Variants in STXBP5L observed in about 807,000 individuals in gnomAD.
STXBP5L encodes syntaxin-binding protein 5-like.
Under a neutral mutation model 144.5 loss-of-function variants are expected in STXBP5L, and 65 were observed. The observed-to-expected ratio is 0.45, with a 90% confidence interval of 0.37 to 0.55. The LOEUF (loss-of-function observed/expected upper bound fraction) is 0.55, where lower values mean the gene tolerates loss of function less well. Among genes scored for constraint, STXBP5L ranks in the 20% least tolerant of loss-of-function variants. STXBP5L has a pLI of 0.00. For synonymous variants in STXBP5L, 505 were observed against 469.6 expected (o/e 1.08, Z -0.97); for missense variants, 1,298 against 1,405.5 (o/e 0.92, Z 1.22).
chr3:120,946,730 C>T (rs1433978503), intron 2 of STXBP5L, among the ~76,000 whole-genome samples: 2 of 151,640 alleles, frequency 1.3e-5, no homozygotes, highest in African/African-American at 4.8e-5. Context: ...CCTTTGTGTT[C>T]CCAATTATAC....
intron 7 of STXBP5L, among the ~76,000 whole-genome samples, chr3:121,126,797 G>A (rs1342857203): frequency 6.6e-6 from 1 of 152,164 alleles, no homozygotes; most frequent in Admixed American, 6.6e-5. Flanking sequence ...GGTATCTGCA[G>A]GGTTGCATTC....
intron 7 of STXBP5L, among the ~76,000 whole-genome samples, chr3:121,141,068 T>G (rs1209992554): frequency 6.6e-6 from 1 of 151,990 alleles, no homozygotes; most frequent in Non-Finnish European, 1.5e-5. Flanking sequence ...ATACCGAAAT[T>G]GAAAGAAAAG....
intron 24 of STXBP5L, among the ~76,000 whole-genome samples, chr3:121,414,057 A>AG (rs2047180204): frequency 6.6e-6 from 1 of 152,174 alleles, no homozygotes; most frequent in African/African-American, 2.4e-5. Context: ...GAATTCATAT[A>AG]AAAGACTGAG....
intron 4 of STXBP5L, 87 bp downstream of exon 4, chr3:121,041,868 C>A: frequency 1.1e-6 from 1 of 873,414 alleles, no homozygotes; most frequent in East Asian, 2.5e-5. Flanking sequence ...TACTGTGATT[C>A]TAAATGCTTA....
At chr3:120,996,252 G>T (rs2108006444) in intron 3 of STXBP5L, among the ~76,000 whole-genome samples, 1 of 151,466 alleles carries the variant, frequency 6.6e-6, no homozygotes, top group East Asian at 1.9e-4. Flanking sequence ...TATCTTATTT[G>T]GTGTTTACGC....
chr3:121,048,895 G>A (rs184045874), intron 5 of STXBP5L, among the ~76,000 whole-genome samples: 2 of 152,110 alleles, frequency 1.3e-5, no homozygotes, highest in African/African-American at 4.8e-5. Flanking sequence ...GACAAGTCTG[G>A]CTGCTTTTCC....
At chr3:121,006,043 A>C (rs1303078010) in intron 3 of STXBP5L, among the ~76,000 whole-genome samples, 4 of 152,236 alleles carry the variant, frequency 2.6e-5, no homozygotes, top group African/African-American at 9.6e-5. Context: ...TTTGGGGTGG[A>C]GAGTTCTGTT....
intron 22 of STXBP5L, among the ~76,000 whole-genome samples, chr3:121,405,851 G>A (rs2046983618): frequency 1.3e-5 from 2 of 152,122 alleles, no homozygotes; most frequent in South Asian, 4.1e-4. Flanking sequence ...TTTGGCAAGG[G>A]CAGCTTATTG....
At chr3:120,955,808 C>T (rs1025419068) in intron 3 of STXBP5L, among the ~76,000 whole-genome samples, 3 of 151,990 alleles carry the variant, frequency 2.0e-5, no homozygotes, top group African/African-American at 7.2e-5. Flanking sequence ...CAACCCCATC[C>T]TTGACCCCTA....
intron 20 of STXBP5L, among the ~76,000 whole-genome samples, chr3:121,318,947 G>T (rs1042847790): frequency 2.0e-5 from 3 of 151,960 alleles, no homozygotes; most frequent in African/African-American, 7.3e-5. Context: ...ACCACAGTTT[G>T]GAAACATGTA....
At position 121,190,864 on chromosome 3, in the gene STXBP5L, G is replaced by T. The variant is rs577289304; in HGVS notation, c.878-15059G>T. On this transcript the variant is annotated intron_variant, in intron 9 of 26. Transcript: ENST00000471454. ...AGATGCTCCTCACCTCCCAGACGGGGTGGCGGCGGGGCAGAGACACTCCTC... is the reference window on the plus strand; with the variant it reads ...AGATGCTCCTCACCTCCCAGACGGGTTGGCGGCGGGGCAGAGACACTCCTC... Among the ~76,000 whole-genome samples, 259 of 152,022 alleles carry T rather than the reference G, an allele frequency of 1.7e-3. 3 individuals are homozygous for T. The highest frequency in any genetic ancestry group is 6.0e-3 in the African/African-American group (248 of 41,502).
intron 5 of STXBP5L, among the ~76,000 whole-genome samples, chr3:121,053,211 A>G (rs1004227142): frequency 3.9e-5 from 6 of 152,128 alleles, no homozygotes; most frequent in African/African-American, 4.8e-5. Context: ...CAAACTACCA[A>G]TGGCTTTCTT....
chr3:120,936,536 T>G (rs1710271559), intron 2 of STXBP5L, among the ~76,000 whole-genome samples: 1 of 152,164 alleles, frequency 6.6e-6, no homozygotes, highest in African/African-American at 2.4e-5. Context: ...CAAAATTTTT[T>G]TCTGTGTCCT....
intron 5 of STXBP5L, among the ~76,000 whole-genome samples, chr3:121,085,262 G>C (rs1304982786): frequency 1.3e-5 from 2 of 151,968 alleles, no homozygotes; most frequent in East Asian, 1.9e-4. Flanking sequence ...TGCAGTTGCA[G>C]TTGACGTTTT....
chr3:121,191,486 G>A (rs2047680879), intron 9 of STXBP5L, among the ~76,000 whole-genome samples: 1 of 152,168 alleles, frequency 6.6e-6, no homozygotes, highest in Admixed American at 6.5e-5. Context: ...CGAGATAGCT[G>A]CAATACAGTC....
At chr3:120,921,899 G>T (rs2107586682) in intron 2 of STXBP5L, among the ~76,000 whole-genome samples, 1 of 152,110 alleles carries the variant, frequency 6.6e-6, no homozygotes, top group South Asian at 2.1e-4. Flanking sequence ...CAGGTAGTGT[G>T]ATGCCTCTAG....
chr3:121,072,683 C>G (rs1354141244), intron 5 of STXBP5L, among the ~76,000 whole-genome samples: 1 of 152,176 alleles, frequency 6.6e-6, no homozygotes, highest in Non-Finnish European at 1.5e-5. Flanking sequence ...TTAGTTACCT[C>G]TGTCATTACA....
intron 20 of STXBP5L, among the ~76,000 whole-genome samples, chr3:121,359,614 G>T (rs569203938): frequency 6.6e-6 from 1 of 152,134 alleles, no homozygotes; most frequent in East Asian, 1.9e-4. Flanking sequence ...GTTTTGATTT[G>T]ATTTTCGTAT....
chr3:121,115,185 C>A, intron 6 of STXBP5L, 126 bp downstream of exon 6: 2 of 952,322 alleles, frequency 2.1e-6, no homozygotes, highest in Non-Finnish European at 3.0e-6. Context: ...GTGAAAAGTT[C>A]AGTAAAATAA....
Sources: gnomAD v4.1 joint callset for allele counts (sites outside exome capture counted in the v4.1 genomes callset) on GRCh38, gnomAD v4.1.1 for gene constraint, MANE v1.5 for transcripts, NCBI Gene and HGNC (gene_info 2026-07-23, HGNC 2026-07-21) for gene names.